Variants in PTPRT observed in about 807,000 individuals in gnomAD.
PTPRT encodes the protein receptor-type tyrosine-protein phosphatase T.
A neutral mutation model predicts 176.8 loss-of-function variants in PTPRT; 56 were observed. That is an observed-to-expected ratio of 0.32 (90% CI 0.26 to 0.40). The LOEUF is 0.40. PTPRT is among the 10% of genes least tolerant of loss of function. PTPRT has a pLI of 1.00. For missense variants in PTPRT, 1,540 were observed against 1,908.2 expected (o/e 0.81, Z 3.60); for synonymous variants, 783 against 739.0 (o/e 1.06, Z -0.96).
intron 5 of PTPRT, among the ~76,000 whole-genome samples, chr20:42,759,061 CCT>C (rs1423054738): frequency 2.0e-5 from 3 of 152,034 alleles, no homozygotes; most frequent in Non-Finnish European, 4.4e-5. Flanking sequence ...AGGAATGTAT[CCT>C]GATTTGGAGA....
At chr20:42,233,795 A>G (rs775717875) in intron 15 of PTPRT, among the ~76,000 whole-genome samples, 1 of 152,176 alleles carries the variant, frequency 6.6e-6, no homozygotes, top group Non-Finnish European at 1.5e-5. Flanking sequence ...CCTGTGTCCT[A>G]TCCAGATGCT....
intron 3 of PTPRT, among the ~76,000 whole-genome samples, chr20:42,789,242 T>C (rs2077338104): frequency 1.3e-5 from 2 of 152,356 alleles, no homozygotes; most frequent in South Asian, 2.1e-4. Context: ...TGATTACATG[T>C]CCAAGTGATA....
chr20:43,096,342 C>G (rs1215621698), intron 1 of PTPRT, among the ~76,000 whole-genome samples: 2 of 152,180 alleles, frequency 1.3e-5, no homozygotes, highest in Admixed American at 1.3e-4. Context: ...GTATCAGAAC[C>G]TGTAGGCTCA....
chr20:42,471,909 G>A (rs891934893), intron 8 of PTPRT, among the ~76,000 whole-genome samples: 8 of 152,154 alleles, frequency 5.3e-5, no homozygotes, highest in Admixed American at 1.3e-4. Context: ...ACCTGCCTCA[G>A]CCTCCCAAAG....
intron 2 of PTPRT, among the ~76,000 whole-genome samples, chr20:42,832,377 G>A (rs1301685688): frequency 6.6e-6 from 1 of 152,070 alleles, no homozygotes; most frequent in Non-Finnish European, 1.5e-5. Flanking sequence ...AGAGGGAGAG[G>A]AGGGAGGGGA....
chr20:42,986,150 C>A (rs1040024733), intron 1 of PTPRT, among the ~76,000 whole-genome samples: 2 of 152,206 alleles, frequency 1.3e-5, no homozygotes, highest in Non-Finnish European at 2.9e-5. Context: ...TAATATGAAG[C>A]TCTGACACTA....
chr20:43,052,377 C>T (rs902145701), intron 1 of PTPRT, among the ~76,000 whole-genome samples: 3 of 152,234 alleles, frequency 2.0e-5, no homozygotes, highest in African/African-American at 4.8e-5. Flanking sequence ...AGTTCACTTA[C>T]TCAACAGATG....
At chr20:43,009,331 T>C (rs981239216) in intron 1 of PTPRT, among the ~76,000 whole-genome samples, 2 of 152,114 alleles carry the variant, frequency 1.3e-5, no homozygotes, top group African/African-American at 4.8e-5. Flanking sequence ...TGAAATCCCA[T>C]AAAGATGCCC....
At chr20:42,544,082 T>A (rs1308150758) in intron 7 of PTPRT, among the ~76,000 whole-genome samples, 1 of 151,972 alleles carries the variant, frequency 6.6e-6, no homozygotes, top group East Asian at 1.9e-4. Flanking sequence ...AACTCAAGAG[T>A]CACCAGTTGC....
intron 6 of PTPRT, among the ~76,000 whole-genome samples, chr20:42,701,992 C>T (rs138540142): frequency 4.6e-5 from 7 of 151,978 alleles, no homozygotes; most frequent in Non-Finnish European, 1.0e-4. Context: ...TGTGCAGCCC[C>T]GCGTCACCGA....
intron 13 of PTPRT, among the ~76,000 whole-genome samples, chr20:42,252,477 G>A (rs2056563630): frequency 6.6e-6 from 1 of 152,150 alleles, no homozygotes; most frequent in Non-Finnish European, 1.5e-5. Flanking sequence ...GTGAGTAGAG[G>A]GAGATAAGCC....
At chr20:42,688,422 T>C (rs1352793738) in intron 6 of PTPRT, 1 of 152,218 alleles carries the variant, frequency 6.6e-6, no homozygotes, top group Non-Finnish European at 1.5e-5. Flanking sequence ...TAACCCCTCC[T>C]ATTCCATTTT....
chr20:42,585,962 A>T (rs906391010), intron 7 of PTPRT, among the ~76,000 whole-genome samples: 7 of 152,176 alleles, frequency 4.6e-5, no homozygotes, highest in South Asian at 2.1e-4. Context: ...ATGTACATGA[A>T]CACAATCACA....
intron 6 of PTPRT, among the ~76,000 whole-genome samples, chr20:42,745,571 G>T (rs1437539676): frequency 6.6e-6 from 1 of 152,186 alleles, no homozygotes; most frequent in Non-Finnish European, 1.5e-5. Flanking sequence ...ACTGGTCCAG[G>T]CAGAGGCTGC....
chr20:42,502,816 T>C (rs866314197), intron 7 of PTPRT, among the ~76,000 whole-genome samples: 3 of 152,112 alleles, frequency 2.0e-5, no homozygotes, highest in African/African-American at 7.2e-5. Context: ...CTAGGCTACA[T>C]ATCTGTGAGT....
At chr20:42,594,370 C>T (rs535547150) in intron 7 of PTPRT, among the ~76,000 whole-genome samples, 1 of 152,234 alleles carries the variant, frequency 6.6e-6, no homozygotes, top group African/African-American at 2.4e-5. Context: ...AGACTACAGG[C>T]ATTAATATCC....
intron 13 of PTPRT, among the ~76,000 whole-genome samples, chr20:42,249,320 G>A (rs1290444544): frequency 3.9e-5 from 6 of 152,146 alleles, no homozygotes; most frequent in Non-Finnish European, 1.5e-5. Context: ...GGAACAAATG[G>A]TAGGGCAAAA....
At chr20:42,625,625 G>C (rs192264171) in intron 7 of PTPRT, among the ~76,000 whole-genome samples, 1 of 152,086 alleles carries the variant, frequency 6.6e-6, no homozygotes, top group African/African-American at 2.4e-5. Flanking sequence ...AGGGCACAGA[G>C]AAGTAAAGAG....
chr20:42,973,401 T>C (rs947358884), intron 1 of PTPRT, among the ~76,000 whole-genome samples: 1 of 152,176 alleles, frequency 6.6e-6, no homozygotes, highest in African/African-American at 2.4e-5. Context: ...CCAGAGGAAC[T>C]GTTGCAATCT....
Sources: allele counts gnomAD v4.1 joint callset (sites outside exome capture counted in the v4.1 genomes callset), GRCh38; gene constraint gnomAD v4.1.1; transcripts MANE v1.5; gene names NCBI Gene and HGNC (gene_info 2026-07-23, HGNC 2026-07-21).